Variants in CACNA1D observed in about 807,000 individuals in gnomAD.
CACNA1D encodes the protein calcium voltage-gated channel subunit alpha1 D.
CACNA1D carries 55 observed loss-of-function variants against 257.1 expected under a neutral mutation model. The ratio of observed to expected loss-of-function variants is 0.21; its 90% CI spans 0.17 to 0.27. The LOEUF (loss-of-function observed/expected upper bound fraction) is 0.27, where lower values mean the gene tolerates loss of function less well. Ranked by LOEUF, CACNA1D falls within the 10% of genes least tolerant of loss-of-function variation. The probability of loss-of-function intolerance (pLI) is 1.00; values close to 1 mark genes in which losing one functional copy is unlikely to be tolerated. For missense variants in CACNA1D, 1,876 were observed against 2,784.0 expected (o/e 0.67, Z 7.34); for synonymous variants, 980 against 1,014.9 (o/e 0.97, Z 0.65).
intron 7 of CACNA1D, among the ~76,000 whole-genome samples, chr3:53,670,431 G>C (rs2094311466): frequency 6.6e-6 from 1 of 152,112 alleles, no homozygotes; most frequent in Non-Finnish European, 1.5e-5. Context: ...TGCAACCTCT[G>C]CCTCCGGGGT....
chr3:53,767,395 T>C (rs886442263), intron 30 of CACNA1D, among the ~76,000 whole-genome samples: 1 of 151,976 alleles, frequency 6.6e-6, no homozygotes, highest in African/African-American at 2.4e-5. Context: ...TGAAACCTCA[T>C]CTCTACTGAA....
chr3:53,537,061 A>C (rs909006436), intron 3 of CACNA1D, among the ~76,000 whole-genome samples: 5 of 152,230 alleles, frequency 3.3e-5, no homozygotes, highest in African/African-American at 1.2e-4. Context: ...TGATAATAAA[A>C]GTTAAAATGC....
intron 3 of CACNA1D, among the ~76,000 whole-genome samples, chr3:53,531,805 T>G (rs942899743): frequency 2.2e-4 from 34 of 152,218 alleles, no homozygotes; most frequent in Non-Finnish European, 5.9e-5. Flanking sequence ...ATGACAAGAT[T>G]CCAGGCTGTG....
At chr3:53,770,280 A>G in intron 31 of CACNA1D, 144 bp from the exon 32 acceptor site, 2 of 872,530 alleles carry the variant, frequency 2.3e-6, no homozygotes, top group Non-Finnish European at 1.9e-6. Context: ...TCTTCCTTTC[A>G]TATCATGCTT....
chr3:53,607,168 A>G (rs2093521461), intron 3 of CACNA1D, among the ~76,000 whole-genome samples: 1 of 152,104 alleles, frequency 6.6e-6, no homozygotes. Context: ...TGCTTTTATT[A>G]CCCTTGGGAA....
chr3:53,691,691 GAT>G (rs567849343), intron 8 of CACNA1D, among the ~76,000 whole-genome samples: 12 of 111,796 alleles, frequency 1.1e-4, no homozygotes, highest in Admixed American at 3.3e-4. Flanking sequence ...ATATATTGCA[GAT>G]ATATATTACA....
At chr3:53,797,503 A>T (rs1402686377) in intron 40 of CACNA1D, among the ~76,000 whole-genome samples, 2 of 152,166 alleles carry the variant, frequency 1.3e-5, no homozygotes, top group African/African-American at 4.8e-5. Context: ...ATGTCTCTTT[A>T]ATAAATATGT....
At chr3:53,720,254 T>A (rs990831021) in intron 11 of CACNA1D, among the ~76,000 whole-genome samples, 3 of 152,174 alleles carry the variant, frequency 2.0e-5, no homozygotes, top group Non-Finnish European at 2.9e-5. Context: ...CTACTATATA[T>A]AAACACTAAC....
chr3:53,513,912 A>G (rs1575720960), intron 3 of CACNA1D, among the ~76,000 whole-genome samples: 1 of 152,224 alleles, frequency 6.6e-6, no homozygotes, highest in African/African-American at 2.4e-5. Context: ...GCCTAGCAGC[A>G]ACAGGCGATC....
chr3:53,514,163 T>TG (rs1489335475), intron 3 of CACNA1D, among the ~76,000 whole-genome samples: 1 of 151,974 alleles, frequency 6.6e-6, no homozygotes, highest in African/African-American at 2.4e-5. Context: ...AGGCTAGAAA[T>TG]GGTTATATTG....
chr3:53,755,369 G>C (rs1020255152), intron 29 of CACNA1D, among the ~76,000 whole-genome samples: 2 of 152,176 alleles, frequency 1.3e-5, no homozygotes, highest in African/African-American at 4.8e-5. Flanking sequence ...GTGTTCATGT[G>C]TGTGCTTGCT....
intron 8 of CACNA1D, among the ~76,000 whole-genome samples, chr3:53,700,947 A>G (rs1179119004): frequency 6.7e-6 from 1 of 149,196 alleles, no homozygotes; most frequent in Non-Finnish European, 1.5e-5. Flanking sequence ...CAATGGTGCA[A>G]TCTCAGCCCG....
chr3:53,568,429 C>T (rs1238047832), intron 3 of CACNA1D, among the ~76,000 whole-genome samples: 1 of 152,222 alleles, frequency 6.6e-6, no homozygotes, highest in Non-Finnish European at 1.5e-5. Context: ...GGCTTTACTT[C>T]CCATTTCCCT....
chr3:53,576,384 C>T lies in CACNA1D; in HGVS notation c.484-74395C>T, dbSNP rs556496363. 2.2e-4 allele frequency among the ~76,000 whole-genome samples: 34 copies of T among 152,232 alleles called. No individual in the cohort carries two copies. In the South Asian group the frequency reaches 3.1e-3, roughly 14 times the overall value. On this transcript the variant is annotated intron_variant, in intron 3 of 47. Transcript: ENST00000350061. Reference sequence around the variant, plus strand: ...AAGTGGATTTAAATAAAGTTCAGTCCGTGGATGAGAGGATTCTCAGTGAAA... The same window carrying T: ...AAGTGGATTTAAATAAAGTTCAGTCTGTGGATGAGAGGATTCTCAGTGAAA...
intron 19 of CACNA1D, 152 bp from the exon 20 acceptor site, chr3:53,735,222 G>C: frequency 1.3e-6 from 1 of 797,170 alleles, no homozygotes; most frequent in Non-Finnish European, 2.2e-6. Context: ...CTGACGGACA[G>C]GTTGCTCAGG....
chr3:53,621,391 A>G lies in CACNA1D; in HGVS notation c.484-29388A>G, dbSNP rs373587252. Among the ~76,000 whole-genome samples the G allele has an allele frequency of 3.3e-5, 5 of 152,138 alleles. No individual in the cohort carries two copies. In the East Asian group the frequency reaches 7.7e-4, roughly 23 times the overall value. ...CAGAGCCAGCCCTGGCTGTTTTTCC[A>G]GCTTTTCCTTATGCCAATAGTAAGA... On this transcript the variant is annotated intron_variant, in intron 3 of 47. Transcript: ENST00000350061.
intron 3 of CACNA1D, among the ~76,000 whole-genome samples, chr3:53,624,994 A>G (rs1218823711): frequency 6.6e-6 from 1 of 152,182 alleles, no homozygotes; most frequent in Non-Finnish European, 1.5e-5. Context: ...AGGGGGAAGA[A>G]CGTGTGTGTG....
At chr3:53,738,577 A>G (rs2108802812) in intron 20 of CACNA1D, among the ~76,000 whole-genome samples, 2 of 152,252 alleles carry the variant, frequency 1.3e-5, no homozygotes, top group East Asian at 3.9e-4. Context: ...CAAGGGATTA[A>G]TTTACATGGG....
intron 3 of CACNA1D, among the ~76,000 whole-genome samples, chr3:53,646,309 G>A (rs3774508): frequency 0.028 from 4,328 of 152,282 alleles, 76 homozygotes; most frequent in East Asian, 0.074. Flanking sequence ...TGTTGTCCTA[G>A]CAGTTTGACT....
Sources: allele counts gnomAD v4.1 joint callset (sites outside exome capture counted in the v4.1 genomes callset), GRCh38; gene constraint gnomAD v4.1.1; transcripts MANE v1.5; gene names NCBI Gene and HGNC (gene_info 2026-07-23, HGNC 2026-07-21).